The following LDLRAD3 variants were observed in gnomAD, a reference collection of about 807,000 sequenced individuals.
The protein encoded by LDLRAD3 is low density lipoprotein receptor class A domain containing 3, also known as low-density lipoprotein receptor class A domain-containing protein 3.
LDLRAD3 carries 20 observed loss-of-function variants against 29.4 expected under a neutral mutation model. The ratio of observed to expected loss-of-function variants is 0.68; its 90% CI spans 0.48 to 0.99. The LOEUF (loss-of-function observed/expected upper bound fraction) is 0.99. LDLRAD3 is among the 50% of genes least tolerant of loss of function. The pLI, the probability that LDLRAD3 is intolerant of heterozygous loss-of-function variation, is 0.00. For missense variants in LDLRAD3, 420 were observed against 454.3 expected, an observed-to-expected ratio of 0.92 and a Z score of 0.69; for synonymous variants, 157 against 192.7, an observed-to-expected ratio of 0.81 and a Z score of 1.53.
chr11:36,100,463 G>A (rs1367367372), intron 4 of LDLRAD3, among the ~76,000 whole-genome samples: 1 of 152,166 alleles, frequency 6.6e-6, no homozygotes, highest in Non-Finnish European at 1.5e-5. Flanking sequence ...TGGCATGGAC[G>A]GAGTCTTGCT....
chr11:36,051,322 G>A (rs60408371), intron 2 of LDLRAD3, among the ~76,000 whole-genome samples: 12,182 of 152,194 alleles, frequency 0.08, 805 homozygotes, highest in African/African-American at 0.16. Flanking sequence ...CCATGTGCTT[G>A]GTGGTCAACA....
chr11:36,229,080 A>C (rs891302653), intron 5 of LDLRAD3, 80 bp from the exon 6 acceptor site: 2 of 925,224 alleles, frequency 2.2e-6, no homozygotes, highest in Non-Finnish European at 3.5e-6. Flanking sequence ...AATGGGCTGA[A>C]GTTGGCTTAT....
In LDLRAD3 at chr11:35,946,042, C is replaced by T. The variant is rs113213922; in HGVS notation, c.46+1898C>T. On this transcript the variant is annotated intron_variant, in intron 1 of 5. Transcript: ENST00000315571. Reference sequence around the variant, plus strand: ...ACATCTAGGCAGGTTGGAGTGTGTGCATCTTTCATGTTACATTAAGCATCA... The same window carrying T: ...ACATCTAGGCAGGTTGGAGTGTGTGTATCTTTCATGTTACATTAAGCATCA... 5.8e-3 allele frequency among the ~76,000 whole-genome samples: 885 copies of T among 152,234 alleles called. 6 individuals are homozygous for T. The highest frequency in any genetic ancestry group is 0.021 in the East Asian group (110 of 5,176).
intron 1 of LDLRAD3, among the ~76,000 whole-genome samples, chr11:35,965,205 CTA>C (rs1851324795): frequency 6.6e-6 from 1 of 152,110 alleles, no homozygotes; most frequent in South Asian, 2.1e-4. Context: ...AAATCACTCT[CTA>C]ATTATCCAAT....
At chr11:36,180,678 G>A (rs1044185942) in intron 4 of LDLRAD3, among the ~76,000 whole-genome samples, 2 of 151,802 alleles carry the variant, frequency 1.3e-5, no homozygotes, top group African/African-American at 4.8e-5. Context: ...TGGCTGCTGT[G>A]TTGAGAATAG....
At chr11:35,952,311 C>T (rs781692938) in intron 1 of LDLRAD3, among the ~76,000 whole-genome samples, 18 of 152,092 alleles carry the variant, frequency 1.2e-4, no homozygotes, top group Non-Finnish European at 1.5e-4. Context: ...AGAATTGCAC[C>T]GTCTACCTTG....
intron 2 of LDLRAD3, among the ~76,000 whole-genome samples, chr11:36,079,913 A>T (rs1853084651): frequency 6.6e-6 from 1 of 152,208 alleles, no homozygotes; most frequent in African/African-American, 2.4e-5. Context: ...CCAAAGTCAT[A>T]AAAAATAGAG....
At chr11:36,155,255 C>T (rs1293413739) in intron 4 of LDLRAD3, among the ~76,000 whole-genome samples, 2 of 152,200 alleles carry the variant, frequency 1.3e-5, no homozygotes, top group East Asian at 1.9e-4. Flanking sequence ...TTCAGCAGCT[C>T]TTGGCATGGC....
rs76622011 is a variant in LDLRAD3, at chr11:36,082,048, A to G, written c.319+270A>G. 4.6e-3 allele frequency among the ~76,000 whole-genome samples: 701 copies of G among 152,364 alleles called. 7 individuals carry two copies. Among genetic ancestry groups the G allele is most frequent in the African/African-American group, 0.016 (675 of 41,584 alleles). On this transcript the variant is annotated intron_variant, in intron 3 of 5. Transcript: ENST00000315571. ...CTGCAAATGCAGATGTATTATCCTT[A>G]GTTAACAGATAAGAAATTTCAAGTT... is the stretch of plus-strand genomic sequence containing the variant.
chr11:35,995,832 A>G (rs1218105967), intron 1 of LDLRAD3, among the ~76,000 whole-genome samples: 2 of 152,134 alleles, frequency 1.3e-5, no homozygotes, highest in South Asian at 4.1e-4. Context: ...TCATGAACCA[A>G]TCTCTGCTAG....
chr11:36,093,733 A>G (rs1034664824), intron 3 of LDLRAD3, among the ~76,000 whole-genome samples: 33 of 152,152 alleles, frequency 2.2e-4, no homozygotes, highest in African/African-American at 7.7e-4. Flanking sequence ...GAAGAATGAG[A>G]TATGCTGACA....
chr11:36,083,184 A>G (rs997115564), intron 3 of LDLRAD3, among the ~76,000 whole-genome samples: 11 of 152,152 alleles, frequency 7.2e-5, no homozygotes, highest in Admixed American at 1.3e-4. Flanking sequence ...TCAAGTCCAT[A>G]ATTTACATTA....
At position 36,111,961 on chromosome 11, in the gene LDLRAD3, C is replaced by T. The variant is rs535650877; in HGVS notation, c.454+13500C>T. Among the ~76,000 whole-genome samples the T allele has an allele frequency of 5.9e-5, 9 of 152,344 alleles. No homozygotes were observed. The East Asian group carries it at 1.5e-3, about 26-fold the overall frequency. On this transcript the variant is annotated intron_variant, in intron 4 of 5. Transcript: ENST00000315571. ...TAAATGACACTTACCCATCTTCTCC[C>T]ATTGGTTCTCTTCCTTGAGATTTTG...
intron 4 of LDLRAD3, among the ~76,000 whole-genome samples, chr11:36,107,968 G>A (rs1384083491): frequency 2.0e-5 from 3 of 152,250 alleles, no homozygotes; most frequent in Admixed American, 6.5e-5. Context: ...ATGTTTTGCT[G>A]AGAAAGAAAC....
chr11:36,227,541 C>T, intron 5 of LDLRAD3, 111 bp downstream of exon 5: 1 of 782,836 alleles, frequency 1.3e-6, no homozygotes, highest in South Asian at 2.1e-5. Context: ...GCTTCAGCTG[C>T]TATAGGCAGT....
intron 1 of LDLRAD3, among the ~76,000 whole-genome samples, chr11:36,011,148 G>T (rs1223783661): frequency 6.6e-6 from 1 of 152,118 alleles, no homozygotes; most frequent in African/African-American, 2.4e-5. Context: ...TTCTTCTGTG[G>T]CATTTATGAC....
intron 4 of LDLRAD3, among the ~76,000 whole-genome samples, chr11:36,163,024 C>T (rs941909971): frequency 6.6e-6 from 1 of 152,240 alleles, no homozygotes; most frequent in Non-Finnish European, 1.5e-5. Flanking sequence ...AAGATCTGCT[C>T]ACTGCCTTGC....
rs182371708 is a variant in LDLRAD3, at chr11:36,157,916, T to C, written c.454+59455T>C. 5.0e-3 allele frequency among the ~76,000 whole-genome samples: 754 copies of C among 152,290 alleles called. 9 individuals are homozygous for C. The highest frequency in any genetic ancestry group is 0.017 in the African/African-American group (719 of 41,564). ...GAAGGCACTGCTACAAGGAGGCAAG[T>C]TGGGGACTCAGTAGAAGGTAACCTG... is the stretch of plus-strand genomic sequence containing the variant. On this transcript the variant is annotated intron_variant, in intron 4 of 5. Coordinates refer to ENST00000315571, the MANE Select transcript of LDLRAD3 (RefSeq NM_174902.4).
intron 1 of LDLRAD3, among the ~76,000 whole-genome samples, chr11:36,018,349 C>T (rs536632279): frequency 2.6e-5 from 4 of 152,278 alleles, no homozygotes; most frequent in African/African-American, 9.6e-5. Flanking sequence ...CTTAGTTCCT[C>T]AAGCTCGATC....
Sources: gnomAD v4.1 joint callset for allele counts (sites outside exome capture counted in the v4.1 genomes callset) on GRCh38, gnomAD v4.1.1 for gene constraint, MANE v1.5 for transcripts, NCBI Gene and HGNC (gene_info 2026-07-23, HGNC 2026-07-21) for gene names.